The following TLR8 variants were observed in gnomAD, a reference collection of about 807,000 sequenced individuals.
TLR8 encodes the protein toll-like receptor 8.
In TLR8, 5 loss-of-function variants were observed where a neutral mutation model predicts 18.5. That is an observed-to-expected ratio of 0.27 (90% CI 0.14 to 0.57). TLR8 has a LOEUF of 0.57. Among genes scored for constraint, TLR8 ranks in the 20% least tolerant of loss-of-function variants. The probability of loss-of-function intolerance (pLI) is 0.92; values close to 1 mark genes in which losing one functional copy is unlikely to be tolerated. For synonymous variants in TLR8, 299 were observed against 300.1 expected, an observed-to-expected ratio of 1.00 and a Z score of 0.04; for missense variants, 543 against 769.8, an observed-to-expected ratio of 0.71 and a Z score of 3.49.
Position 12,922,994 on chromosome X carries a change from T to C in TLR8, c.*828T>C, listed in dbSNP as rs1410718284. The C allele has an allele frequency of 8.9e-6, 1 of 112,478 alleles. No individual in the cohort carries two copies. The highest frequency in any genetic ancestry group is 1.9e-5 in the Non-Finnish European group (1 of 53,314). The allele number at this position is 112,478 out of a possible 1,213,427, so 9.3% of individuals were successfully genotyped here. ...CTTTTACAAATATTTGCTGTAACAT[T>C]TGACTTCTAAGGTTTAGATGCCATT... is the stretch of plus-strand genomic sequence containing the variant. On this transcript the variant is annotated 3_prime_UTR_variant, in exon 2 of 2. Transcript: ENST00000218032.
intron 1 of TLR8, chrX:12,910,517 T>G (rs776099036): frequency 4.4e-4 from 465 of 1,057,839 alleles, no homozygotes; most frequent in Non-Finnish European, 5.4e-4. Flanking sequence ...TACGTGGAAT[T>G]TATTTTAGTC....
At chrX:12,911,047 C>T (rs1470686099) in intron 1 of TLR8, among the ~76,000 whole-genome samples, 1 of 109,809 alleles carries the variant, frequency 9.1e-6, no homozygotes, top group Non-Finnish European at 1.9e-5. Context: ...ATCTGGACCA[C>T]GAAGACCCAG....
chrX:12,908,734 G>A (rs1232144410), intron 1 of TLR8, among the ~76,000 whole-genome samples: 2 of 112,522 alleles, frequency 1.8e-5, no homozygotes, highest in Non-Finnish European at 3.8e-5. Flanking sequence ...AATGCTCCAG[G>A]AAGAGCTGAA....
At position 12,919,700 on chromosome X, in the gene TLR8, G is replaced by A. The variant is rs2043081030; in HGVS notation, c.660G>A (p.Leu220=). 1 of 1,208,622 alleles carries A rather than the reference G, an allele frequency of 8.3e-7. No individual in the cohort carries two copies. The highest frequency in any genetic ancestry group is 1.8e-5 in the African/African-American group (1 of 56,992). ...CTCTTTCACACGTGCCACCCAAACTGCCAAGCTCCCTACGCAAACTTTTTC... is the reference window on the plus strand; with the variant it reads ...CTCTTTCACACGTGCCACCCAAACTACCAAGCTCCCTACGCAAACTTTTTC... ...FNSLSHVPPK[L]PSSLRKLFLS... Residue 220 remains leucine (L), a synonymous_variant, in exon 2 of 2, where the codon CTG becomes CTA. Transcript: ENST00000218032.
intron 1 of TLR8, among the ~76,000 whole-genome samples, chrX:12,917,791 A>AT (rs2043065448): frequency 8.9e-6 from 1 of 112,675 alleles, no homozygotes; most frequent in African/African-American, 3.2e-5. Context: ...GCAAATAGCT[A>AT]TTAATGCTAA....
chrX:12,907,500 T>A lies in TLR8; in HGVS notation c.3+791T>A, dbSNP rs7051293. ...ATGTACTATATATTTTTCCCCAAAG[T>A]CCTTGGAGTTAATTTTGACAACAAT... is the stretch of plus-strand genomic sequence containing the variant. On this transcript the variant is annotated intron_variant, in intron 1 of 1. Transcript: ENST00000218032. Among the ~76,000 whole-genome samples, 385 of 112,147 alleles carry A rather than the reference T, an allele frequency of 3.4e-3. 2 individuals carry two copies. The highest frequency in any genetic ancestry group is 0.012 in the African/African-American group (371 of 30,850).
intron 1 of TLR8, 21 bp downstream of exon 1, chrX:12,906,730 T>C: frequency 1.8e-6 from 2 of 1,102,302 alleles, no homozygotes; most frequent in Non-Finnish European, 2.4e-6. Flanking sequence ...TCTATTTCTT[T>C]AGCAAAGCTT....
At position 12,920,791 on chromosome X, in the gene TLR8, C is replaced by T. The variant is rs2147259240; in HGVS notation, c.1751C>T (p.Thr584Ile). 8.3e-7 allele frequency: 1 copy of T among 1,209,202 alleles called. No homozygotes were observed. The highest frequency in any genetic ancestry group is 3.0e-5 in the East Asian group (1 of 33,848). Residue 584 changes from threonine (T) to isoleucine (I), a missense_variant, in exon 2 of 2, where the codon ACA (threonine) becomes ATA (isoleucine). Physicochemically the swap from Thr to Ile is moderately conservative, Grantham distance 89 (BLOSUM62 -1). Around this residue, in one of 4 missense-constraint regions of TLR8, gnomAD observed 14 missense variants for 47.0 expected, o/e 0.30. Coordinates refer to ENST00000218032, the MANE Select transcript of TLR8 (RefSeq NM_138636.5). ...CATCTAGAATTTATTCAAAATTTCACAAATCTAAAAGTTTTAAACTTGAGC... is the reference window on the plus strand; with the variant it reads ...CATCTAGAATTTATTCAAAATTTCATAAATCTAAAAGTTTTAAACTTGAGC... ...THHLEFIQNFTNLKVLNLSHN... is the reference protein window; with the variant it reads ...THHLEFIQNFINLKVLNLSHN...
intron 1 of TLR8, among the ~76,000 whole-genome samples, chrX:12,916,127 C>T (rs1201530478): frequency 9.0e-6 from 1 of 111,623 alleles, no homozygotes; most frequent in Non-Finnish European, 1.9e-5. Flanking sequence ...GTGATCGGCC[C>T]GCCTCGGCCT....
At chrX:12,915,357 G>T (rs1405197685) in intron 1 of TLR8, among the ~76,000 whole-genome samples, 1 of 111,590 alleles carries the variant, frequency 9.0e-6, no homozygotes, top group East Asian at 2.8e-4. Context: ...GTAGAGATGG[G>T]ATCTCGCCAC....
intron 1 of TLR8, among the ~76,000 whole-genome samples, chrX:12,909,841 T>A (rs1281642692): frequency 8.9e-6 from 1 of 112,216 alleles, no homozygotes; most frequent in Admixed American, 9.4e-5. Context: ...AGCAGGGGCC[T>A]CATGGACTTC....
intron 1 of TLR8, among the ~76,000 whole-genome samples, chrX:12,915,034 G>A (rs1427230979): frequency 8.9e-6 from 1 of 112,071 alleles, no homozygotes; most frequent in African/African-American, 3.2e-5. Flanking sequence ...AAGTATATGA[G>A]GTAATGCATA....
In TLR8 at chrX:12,920,651, G is replaced by A. The variant is rs1475623493; in HGVS notation, c.1611G>A (p.Leu537=). ...TTCCTCATGTCAAATATTTGGATTTGACAAACAATAGACTAGACTTTGATA... is the reference window on the plus strand; with the variant it reads ...TTCCTCATGTCAAATATTTGGATTTAACAAACAATAGACTAGACTTTGATA... ...SAIPHVKYLD[L]TNNRLDFDNA... Residue 537 remains leucine, a synonymous_variant, in exon 2 of 2, where the codon TTG becomes TTA. Transcript: ENST00000218032. 14 of 1,210,197 alleles carry A rather than the reference G, an allele frequency of 1.2e-5. No homozygotes were observed. The highest frequency in any genetic ancestry group is 1.6e-5 in the Non-Finnish European group (14 of 895,159).
At chrX:12,909,318 T>G (rs2043005087) in intron 1 of TLR8, among the ~76,000 whole-genome samples, 2 of 112,160 alleles carry the variant, frequency 1.8e-5, no homozygotes, top group Admixed American at 1.9e-4. Context: ...CAGCTACTGT[T>G]AGTGTTAGTG....
chrX:12,907,636 C>A (rs1402017956), intron 1 of TLR8, among the ~76,000 whole-genome samples: 1 of 111,397 alleles, frequency 9.0e-6, no homozygotes, highest in Non-Finnish European at 1.9e-5. Flanking sequence ...AAGCGATTCT[C>A]CTGCCTCAAC....
Position 12,920,519 on chromosome X carries a change from T to C in TLR8, c.1479T>C (p.Ile493=). The change falls in exon 2 of 2, where the codon ATT becomes ATC. Residue 493 remains isoleucine (I), a synonymous_variant. Coordinates refer to ENST00000218032, the MANE Select transcript of TLR8 (RefSeq NM_138636.5). ...CCTTAGATTTAAGCCTCAACAGTAT[T>C]TTCTTCATTGGGCCAAACCAATTTG... ...GKALDLSLNS[I]FFIGPNQFEN... 1 of 1,212,100 alleles carries C rather than the reference T, an allele frequency of 8.3e-7. No individual in the cohort carries two copies. Among genetic ancestry groups the C allele is most frequent in the Non-Finnish European group, 1.1e-6 (1 of 895,560 alleles).
intron 1 of TLR8, among the ~76,000 whole-genome samples, chrX:12,918,308 T>A (rs1385858379): frequency 9.0e-6 from 1 of 111,543 alleles, no homozygotes; most frequent in Non-Finnish European, 1.9e-5. Context: ...ATATTAGAAG[T>A]TGCATCTGAA....
At chrX:12,914,717 AC>A (rs935037219) in intron 1 of TLR8, among the ~76,000 whole-genome samples, 8 of 111,040 alleles carry the variant, frequency 7.2e-5, no homozygotes, top group Admixed American at 9.6e-5. Context: ...TATTGCCACC[AC>A]CCTAGTTCAA....
Position 12,919,644 on chromosome X carries a change from A to G in TLR8, c.604A>G (p.Asn202Asp), listed in dbSNP as rs754712471. ...IEDGVFETLT[N>D]LELLSLSFNS... ...AGATGGAGTATTTGAAACGCTGACAAATTTGGAGTTGCTATCACTATCTTT... is the reference window on the plus strand; with the variant it reads ...AGATGGAGTATTTGAAACGCTGACAGATTTGGAGTTGCTATCACTATCTTT... The change falls in exon 2 of 2, where the codon AAT becomes GAT. Residue 202 changes from asparagine (N) to aspartate (D), a missense_variant. Coordinates refer to ENST00000218032, the MANE Select transcript of TLR8 (RefSeq NM_138636.5). 8.3e-7 allele frequency: 1 copy of G among 1,211,723 alleles called. No homozygotes were observed.
Sources: allele counts gnomAD v4.1 joint callset (sites outside exome capture counted in the v4.1 genomes callset), GRCh38; gene constraint gnomAD v4.1.1; regional missense constraint gnomAD v4.1.1; transcripts MANE v1.5; gene names NCBI Gene and HGNC (gene_info 2026-07-23, HGNC 2026-07-21).